HECTD4: variants seen among roughly 807,000 people sequenced by gnomAD.
HECTD4 encodes probable E3 ubiquitin-protein ligase HECTD4.
Under a neutral mutation model 471.5 loss-of-function variants are expected in HECTD4, and 114 were observed. That is an observed-to-expected ratio of 0.24 (90% CI 0.21 to 0.28). The LOEUF is 0.28. Among genes scored for constraint, HECTD4 ranks in the 10% least tolerant of loss-of-function variants. HECTD4 has a pLI of 1.00. For synonymous variants in HECTD4, 2,012 were observed against 2,256.0 expected (o/e 0.89, Z 3.07); for missense variants, 3,866 against 5,651.5 (o/e 0.68, Z 10.13).
At chr12:112,312,225 G>T (rs891024136) in intron 4 of HECTD4, among the ~76,000 whole-genome samples, 4 of 152,118 alleles carry the variant, frequency 2.6e-5, no homozygotes, top group Non-Finnish European at 4.4e-5. Flanking sequence ...TATTTCCTGG[G>T]TTTTTTTAAA....
At position 112,306,103 on chromosome 12, in the gene HECTD4, C is replaced by A; in HGVS notation, c.1296G>T (p.Pro432=). 1.2e-6 allele frequency: 2 copies of A among 1,612,100 alleles called. No homozygotes were observed. The highest frequency in any genetic ancestry group is 1.7e-6 in the Non-Finnish European group (2 of 1,179,366). Reference sequence around the variant, plus strand: ...TGTCCATGAAGACAGAATGTCCCTTCGGTGTTTTCTCATTCAGGCTGGCAG... The same window carrying A: ...TGTCCATGAAGACAGAATGTCCCTTAGGTGTTTTCTCATTCAGGCTGGCAG... ...WSPASLNEKT[P]KGHSVFMDIF... is the part of the protein sequence containing the mutation. Residue 432 remains proline (P), a synonymous_variant, in exon 7 of 76, where the codon CCG becomes CCT. Transcript: ENST00000682272.
chr12:112,336,289 C>T (rs1268528607), intron 1 of HECTD4, among the ~76,000 whole-genome samples: 3 of 151,936 alleles, frequency 2.0e-5, no homozygotes, highest in South Asian at 2.1e-4. Flanking sequence ...TTTGGGAGGC[C>T]GAGGCAGGTG....
intron 1 of HECTD4, among the ~76,000 whole-genome samples, chr12:112,346,849 C>T (rs1374340044): frequency 6.6e-6 from 1 of 152,124 alleles, no homozygotes; most frequent in Non-Finnish European, 1.5e-5. Context: ...ATTTCACATT[C>T]CTAAATCAGA....
In HECTD4 at chr12:112,211,531, GA is replaced by G. The variant is rs550197035; in HGVS notation, c.7629+955del. On this transcript the variant is annotated intron_variant, in intron 49 of 75. Coordinates refer to ENST00000682272, the MANE Select transcript of HECTD4 (RefSeq NM_001388303.1). Reference sequence around the variant, plus strand: ...TTACCTTAGAGATGTCCTGAAGGGGGAAAAAAAAAAAAAAGATAAGACGTGA... The same window carrying G: ...TTACCTTAGAGATGTCCTGAAGGGGGAAAAAAAAAAAAAGATAAGACGTGA... Among the ~76,000 whole-genome samples the G allele has an allele frequency of 8.4e-3, 1,178 of 140,016 alleles. 6 individuals are homozygous for G. The highest frequency in any genetic ancestry group is 0.011 in the Middle Eastern group (3 of 276). The allele number at this position is 140,016 out of a possible 152,430, so 91.9% of individuals were successfully genotyped here.
At chr12:112,294,323 T>C (rs2034958550) in intron 7 of HECTD4, among the ~76,000 whole-genome samples, 1 of 152,168 alleles carries the variant, frequency 6.6e-6, no homozygotes. Context: ...GCAAGATTAA[T>C]CATAACTCAG....
intron 41 of HECTD4, 116 bp downstream of exon 41, chr12:112,229,582 A>C: frequency 1.9e-6 from 2 of 1,035,798 alleles, no homozygotes; most frequent in South Asian, 3.1e-5. Flanking sequence ...AGCTTGAAGA[A>C]ACAGGTTTTT....
rs1488676889 is a variant in HECTD4 at position 112,329,948 on chromosome 12, C to T, written c.178-10206G>A. Among the ~76,000 whole-genome samples the T allele has an allele frequency of 2.6e-5, 4 of 151,868 alleles. No homozygotes were observed. The East Asian group carries it at 5.8e-4, about 22-fold the overall frequency. The stretch of plus-strand genomic sequence containing the variant: ...GCAACATAGTGAGACCCCATCTCTA[C>T]TTTTTTTAATAAAAATATTTTTTAA... On this transcript the variant is annotated intron_variant, in intron 1 of 75. Coordinates refer to ENST00000682272, the MANE Select transcript of HECTD4 (RefSeq NM_001388303.1).
intron 1 of HECTD4, among the ~76,000 whole-genome samples, chr12:112,337,129 A>G (rs944011274): frequency 6.6e-6 from 1 of 152,228 alleles, no homozygotes; most frequent in African/African-American, 2.4e-5. Flanking sequence ...AAAACTGTTT[A>G]TAAACAACTA....
intron 66 of HECTD4, among the ~76,000 whole-genome samples, chr12:112,174,379 C>T (rs906375381): frequency 6.6e-6 from 1 of 151,802 alleles, no homozygotes; most frequent in African/African-American, 2.4e-5. Context: ...GATTCTCCTG[C>T]CTCAGCCTCC....
intron 1 of HECTD4, among the ~76,000 whole-genome samples, chr12:112,379,698 T>C (rs951914527): frequency 2.0e-5 from 3 of 147,784 alleles, no homozygotes; most frequent in Non-Finnish European, 4.5e-5. Flanking sequence ...TGTCTCAAAA[T>C]AAAAAATAAA....
chr12:112,324,911 T>C, intron 1 of HECTD4, among the ~76,000 whole-genome samples: 1 of 152,206 alleles, frequency 6.6e-6, no homozygotes, highest in Non-Finnish European at 1.5e-5. Context: ...ACCTATGTAC[T>C]CAACATACAT....
At chr12:112,214,504 C>T (rs1339419192) in intron 48 of HECTD4, among the ~76,000 whole-genome samples, 1 of 152,106 alleles carries the variant, frequency 6.6e-6, no homozygotes, top group African/African-American at 2.4e-5. Flanking sequence ...AATGGAAGCC[C>T]ATGTATTGGT....
At chr12:112,333,122 T>G (rs976923903) in intron 1 of HECTD4, among the ~76,000 whole-genome samples, 1 of 152,258 alleles carries the variant, frequency 6.6e-6, no homozygotes, top group African/African-American at 2.4e-5. Flanking sequence ...GACATTTTAA[T>G]TGTTTTCATT....
intron 60 of HECTD4, 106 bp from the exon 61 acceptor site, chr12:112,185,599 G>A: frequency 1.2e-6 from 1 of 829,082 alleles, no homozygotes; most frequent in Non-Finnish European, 1.8e-6. Flanking sequence ...TGTGAACACT[G>A]ACTGCGCAAT....
chr12:112,193,181 T>C lies in HECTD4; in HGVS notation c.8966A>G (p.Glu2989Gly). ...QICSFLQTAP[E>G]QFPSEEFPIS... Reference sequence around the variant, plus strand: ...TGGGAACTCTTCGGAGGGGAACTGCTCTGGTGCTGTCTGCAAAGAGACACT... The same window carrying C: ...TGGGAACTCTTCGGAGGGGAACTGCCCTGGTGCTGTCTGCAAAGAGACACT... The change falls in exon 58 of 76, where the codon GAG (glutamate) becomes GGG (glycine). Residue 2989 changes from glutamate to glycine, a missense_variant. Physicochemically the swap from Glu to Gly is moderately conservative, Grantham distance 98. Transcript: ENST00000682272. The surrounding 1 kb of genome is among the most constrained non-coding windows in gnomAD (Gnocchi z 5.2). 1 of 1,613,832 alleles carries C rather than the reference T, an allele frequency of 6.2e-7. No homozygotes were observed. Among genetic ancestry groups the C allele is most frequent in the Non-Finnish European group, 8.5e-7 (1 of 1,179,836 alleles).
intron 44 of HECTD4, among the ~76,000 whole-genome samples, chr12:112,225,327 CAAAA>C (rs201230586): frequency 4.9e-5 from 3 of 61,346 alleles, no homozygotes; most frequent in Non-Finnish European, 3.7e-5. Context: ...TTTAAAAGAC[CAAAA>C]AAAAAAAAAA....
chr12:112,178,920 G>C lies in HECTD4; in HGVS notation c.11363+11C>G, dbSNP rs763503154. 6.3e-7 allele frequency: 1 copy of C among 1,600,000 alleles called. No homozygotes were observed. The highest frequency in any genetic ancestry group is 8.5e-7 in the Non-Finnish European group (1 of 1,172,160). ...ACAGGCTGGGCTGCCCAGGCTCCTT[G>C]GGGCACGCACCTGACGCTGTTGAGC... On this transcript the variant is annotated intron_variant, in intron 64 of 75. Coordinates refer to ENST00000682272, the MANE Select transcript of HECTD4 (RefSeq NM_001388303.1).
intron 60 of HECTD4, among the ~76,000 whole-genome samples, chr12:112,186,861 T>C (rs2031884536): frequency 6.6e-6 from 1 of 151,846 alleles, no homozygotes; most frequent in African/African-American, 2.4e-5. Flanking sequence ...AGAGATGGGG[T>C]ATCGTCATGT....
At chr12:112,262,242 GGCTCAT>G (rs1478728923) in intron 17 of HECTD4, 1 of 152,140 alleles carries the variant, frequency 6.6e-6, no homozygotes, top group Non-Finnish European at 1.5e-5. Flanking sequence ...CGGGCACGGT[GGCTCAT>G]GCCTGTAATC....
Sources: gnomAD v4.1 joint callset for allele counts (sites outside exome capture counted in the v4.1 genomes callset) on GRCh38, gnomAD v4.1.1 for gene constraint, Gnocchi (gnomAD v3.1) non-coding constraint, MANE v1.5 for transcripts, NCBI Gene and HGNC (gene_info 2026-07-23, HGNC 2026-07-21) for gene names.